The following NAALADL2 variants were observed in gnomAD, a reference collection of about 807,000 sequenced individuals.
The protein encoded by NAALADL2 is N-acetylated alpha-linked acidic dipeptidase like 2.
A neutral mutation model predicts 87.2 loss-of-function variants in NAALADL2; 76 were observed. That is an observed-to-expected ratio of 0.87 (90% confidence interval 0.72 to 1.05). The LOEUF (loss-of-function observed/expected upper bound fraction) is 1.05, where lower values mean the gene tolerates loss of function less well. Among genes scored for constraint, NAALADL2 ranks in the 50% least tolerant of loss-of-function variants. The pLI, the probability that NAALADL2 is intolerant of heterozygous loss-of-function variation, is 0.00. For synonymous variants in NAALADL2, 354 were observed against 331.0 expected (o/e 1.07, Z -0.75); for missense variants, 1,089 against 945.8 (o/e 1.15, Z -1.99).
intron 9 of NAALADL2, among the ~76,000 whole-genome samples, chr3:175,575,261 GT>G (rs1718691112): frequency 6.6e-6 from 1 of 151,966 alleles, no homozygotes; most frequent in South Asian, 2.1e-4. Flanking sequence ...TTCTTCTCTA[GT>G]TTTTTATTTT....
intron 2 of NAALADL2, among the ~76,000 whole-genome samples, chr3:174,679,020 G>C (rs898398929): frequency 2.0e-5 from 3 of 152,072 alleles, no homozygotes; most frequent in Non-Finnish European, 4.4e-5. Context: ...GCTGTGTCTA[G>C]ATACGAATTT....
At chr3:174,817,521 G>T (rs768065263) in intron 3 of NAALADL2, among the ~76,000 whole-genome samples, 6 of 152,118 alleles carry the variant, frequency 3.9e-5, no homozygotes, top group Non-Finnish European at 8.8e-5. Flanking sequence ...GGGATCACTT[G>T]AGCACGGGAG....
At chr3:175,187,102 G>C (rs1283852082) in intron 2 of NAALADL2, among the ~76,000 whole-genome samples, 1 of 152,042 alleles carries the variant, frequency 6.6e-6, no homozygotes, top group East Asian at 1.9e-4. Flanking sequence ...CCTGATGACT[G>C]GATTGACCCT....
At chr3:174,474,340 A>C (rs1717089338) in intron 1 of NAALADL2, among the ~76,000 whole-genome samples, 1 of 152,292 alleles carries the variant, frequency 6.6e-6, no homozygotes, top group African/African-American at 2.4e-5. Context: ...AATGTTTCGG[A>C]GTTTGAAATT....
At chr3:175,533,779 T>C (rs1447233368) in intron 9 of NAALADL2, among the ~76,000 whole-genome samples, 2 of 152,156 alleles carry the variant, frequency 1.3e-5, no homozygotes, top group African/African-American at 4.8e-5. Context: ...GCTTTTTCTG[T>C]ACAGGAGGTA....
chr3:175,390,900 A>G (rs905460283), intron 5 of NAALADL2, among the ~76,000 whole-genome samples: 1 of 152,172 alleles, frequency 6.6e-6, no homozygotes, highest in South Asian at 2.1e-4. Flanking sequence ...CTGCACCTGT[A>G]CTAAGTAGCA....
At chr3:175,355,065 T>G (rs1013130455) in intron 5 of NAALADL2, among the ~76,000 whole-genome samples, 2 of 150,942 alleles carry the variant, frequency 1.3e-5, no homozygotes, top group Admixed American at 1.3e-4. Context: ...TGTGTATACA[T>G]ATATTTTTTC....
intron 4 of NAALADL2, among the ~76,000 whole-genome samples, chr3:175,285,596 A>AT (rs1174101556): frequency 6.6e-6 from 1 of 151,956 alleles, no homozygotes; most frequent in African/African-American, 2.4e-5. Context: ...TAATAATGTA[A>AT]TTTTCATTTA....
At chr3:174,748,245 C>T (rs13077415) in intron 3 of NAALADL2, among the ~76,000 whole-genome samples, 7,291 of 152,014 alleles carry the variant, frequency 0.048, 233 homozygotes, top group Middle Eastern at 0.092. Context: ...GTAGGTGCAG[C>T]AAACCACTAT....
rs190711641 is a variant in NAALADL2 at position 175,658,222 on chromosome 3, A to G, written c.1896+30836A>G. Among the ~76,000 whole-genome samples the G allele has an allele frequency of 7.2e-3, 1,096 of 152,192 alleles. 3 individuals are homozygous for G. The highest frequency in any genetic ancestry group is 0.016 in the South Asian group (79 of 4,828). ...CACGTATGCATTTCACACTTGCTGCAGTTGCTATGGATTATTTAATCTACA... is the reference window on the plus strand; with the variant it reads ...CACGTATGCATTTCACACTTGCTGCGGTTGCTATGGATTATTTAATCTACA... On this transcript the variant is annotated intron_variant, in intron 11 of 13. Transcript: ENST00000454872.
intron 13 of NAALADL2, among the ~76,000 whole-genome samples, chr3:175,802,488 A>T (rs2108357007): frequency 6.7e-6 from 1 of 149,792 alleles, no homozygotes; most frequent in South Asian, 2.1e-4. Context: ...ACAATAGAGA[A>T]TTATCTAGCC....
At chr3:175,238,185 T>A (rs1287709657) in intron 3 of NAALADL2, among the ~76,000 whole-genome samples, 1 of 152,152 alleles carries the variant, frequency 6.6e-6, no homozygotes, top group East Asian at 1.9e-4. Context: ...CTACTGCAGA[T>A]TTCTGGAGTT....
chr3:174,715,691 T>A (rs1406520953), intron 2 of NAALADL2, among the ~76,000 whole-genome samples: 1 of 152,172 alleles, frequency 6.6e-6, no homozygotes, highest in Non-Finnish European at 1.5e-5. Flanking sequence ...TTGCATTGTG[T>A]TGTTTGGGGT....
chr3:174,557,642 C>G (rs977438097), intron 2 of NAALADL2, among the ~76,000 whole-genome samples: 3 of 152,020 alleles, frequency 2.0e-5, no homozygotes, highest in African/African-American at 7.2e-5. Flanking sequence ...ACTACTGTTC[C>G]TAGCTGATTT....
chr3:175,283,037 A>G (rs1215254737), intron 4 of NAALADL2, among the ~76,000 whole-genome samples: 1 of 151,984 alleles, frequency 6.6e-6, no homozygotes, highest in East Asian at 1.9e-4. Flanking sequence ...ACTTTGAAAA[A>G]ATCAGGACCA....
chr3:175,708,352 G>A (rs1030407999), intron 11 of NAALADL2, among the ~76,000 whole-genome samples: 1 of 152,048 alleles, frequency 6.6e-6, no homozygotes, highest in Non-Finnish European at 1.5e-5. Flanking sequence ...GTCCAGGGAG[G>A]CCAGTTCAAA....
chr3:174,488,833 CT>C (rs1718016339), intron 1 of NAALADL2, among the ~76,000 whole-genome samples: 1 of 152,002 alleles, frequency 6.6e-6, no homozygotes, highest in Admixed American at 6.6e-5. Context: ...GACACCCCCC[CT>C]AACCTTTGGA....
chr3:175,328,225 C>A lies in NAALADL2; in HGVS notation c.1090+3900C>A, dbSNP rs182881393. On this transcript the variant is annotated intron_variant, in intron 5 of 13. Transcript: ENST00000454872. Reference sequence around the variant, plus strand: ...GATCTCCATCATACCACATACACACCCATGTGTGGGAATGCTAATGGGATA... The same window carrying A: ...GATCTCCATCATACCACATACACACACATGTGTGGGAATGCTAATGGGATA... Among the ~76,000 whole-genome samples the A allele has an allele frequency of 5.6e-3, 858 of 152,162 alleles. 5 individuals carry two copies. The highest frequency in any genetic ancestry group is 0.02 in the African/African-American group (830 of 41,506).
intron 2 of NAALADL2, among the ~76,000 whole-genome samples, chr3:174,613,101 A>G (rs1720094598): frequency 6.6e-6 from 1 of 152,216 alleles, no homozygotes; most frequent in African/African-American, 2.4e-5. Context: ...ATTGCCAGGC[A>G]GAGACTCCTA....
Sources: gnomAD v4.1 joint callset for allele counts (sites outside exome capture counted in the v4.1 genomes callset) on GRCh38, gnomAD v4.1.1 for gene constraint, MANE v1.5 for transcripts, NCBI Gene and HGNC (gene_info 2026-07-23, HGNC 2026-07-21) for gene names.